The following TWF2 variants were observed in gnomAD, a reference collection of about 807,000 sequenced individuals.
TWF2 encodes twinfilin-2.
In TWF2, 15 loss-of-function variants were observed where a neutral mutation model predicts 45.1. The observed-to-expected ratio is 0.33, with a 90% CI of 0.22 to 0.51. The LOEUF (loss-of-function observed/expected upper bound fraction) is 0.51, where lower values mean the gene tolerates loss of function less well. Among genes scored for constraint, TWF2 ranks in the 20% least tolerant of loss-of-function variants. The probability of loss-of-function intolerance (pLI) is 0.97; values close to 1 mark genes in which losing one functional copy is unlikely to be tolerated. For synonymous variants in TWF2, 177 were observed against 195.8 expected (o/e 0.90, Z 0.80); for missense variants, 423 against 469.1 (o/e 0.90, Z 0.91).
intron 1 of TWF2, among the ~76,000 whole-genome samples, chr3:52,236,674 C>G (rs1443028933): frequency 2.6e-5 from 4 of 152,256 alleles, no homozygotes; most frequent in South Asian, 4.1e-4. Context: ...AGGTGCCCCC[C>G]CTTTGCAGAG....
In TWF2 at chr3:52,232,091, T is replaced by A; in HGVS notation, c.135A>T (p.Pro45=). 6.2e-7 allele frequency: 1 copy of A among 1,610,078 alleles called. No homozygotes were observed. Among genetic ancestry groups the A allele is most frequent in the Non-Finnish European group, 8.5e-7 (1 of 1,178,216 alleles). ...EQLVLGASQE[P]VGRWDQDYDR... ...CATAGTCCTGATCCCAGCGGCCTAC[T>A]GGCTCCTGCGAGGCACCCAGCACGA... Residue 45 remains proline (P), a synonymous_variant, in exon 3 of 9, where the codon CCA becomes CCT. Transcript: ENST00000305533.
intron 2 of TWF2, among the ~76,000 whole-genome samples, chr3:52,233,338 C>T (rs1309667238): frequency 2.0e-5 from 3 of 152,260 alleles, no homozygotes; most frequent in Non-Finnish European, 4.4e-5. Context: ...AGAACTCAGA[C>T]AGGATCACAG....
chr3:52,233,668 C>T (rs372487879), intron 2 of TWF2, among the ~76,000 whole-genome samples: 6 of 152,242 alleles, frequency 3.9e-5, no homozygotes, highest in African/African-American at 1.4e-4. Context: ...GTGGCTTATG[C>T]CCGTAATCCC....
rs200149703 is a variant in TWF2 at position 52,231,155 on chromosome 3, C to A, written c.455G>T (p.Arg152Ile). The A allele has an allele frequency of 5.9e-5, 95 of 1,613,970 alleles. No homozygotes were observed. Among genetic ancestry groups the A allele is most frequent in the Non-Finnish European group, 7.9e-5 (93 of 1,179,986 alleles). Residue 152 changes from arginine to isoleucine, a missense_variant, in exon 5 of 9, where the codon AGA (arginine) becomes ATA (isoleucine). Physicochemically the swap from Arg to Ile is moderately conservative, Grantham distance 97. Transcript: ENST00000305533. The stretch of plus-strand genomic sequence containing the variant: ...GTTAATGCGGATCTGCTGGAGCTCT[C>A]TCTCAGCCGAGGTCAGCGGGGCAGG... ...AAPAPLTSAERELQQIRINEV... is the reference protein window; with the variant it reads ...AAPAPLTSAEIELQQIRINEV...
chr3:52,228,839 G>A lies in TWF2; in HGVS notation c.*195C>T, dbSNP rs984314921. On this transcript the variant is annotated 3_prime_UTR_variant, in exon 9 of 9. Transcript: ENST00000305533. ...CCCCGGACACCCTGGGCACACAGAC[G>A]AGATGCAGGGACAGCAACAGGGAAG... The A allele has an allele frequency of 7.4e-5, 61 of 828,986 alleles. No homozygotes were observed. The highest frequency in any genetic ancestry group is 1.7e-4 in the African/African-American group (10 of 57,612). 51.4% of individuals were successfully genotyped at this position (828,986 alleles called of 1,614,324 possible). A position where few individuals can be genotyped will look rare whatever the true frequency, so the allele number is the denominator to read the frequency against.
At position 52,228,877 on chromosome 3, in the gene TWF2, C is replaced by G; in HGVS notation, c.*157G>C. ...AGCAACAGGGAAGGGTCACAAAATG[C>G]CAGCCCGGTGGCCCTCGGACGCTGC... On this transcript the variant is annotated 3_prime_UTR_variant, in exon 9 of 9. Transcript: ENST00000305533. 1 of 1,144,030 alleles carries G rather than the reference C, an allele frequency of 8.7e-7. No individual in the cohort carries two copies. The highest frequency in any genetic ancestry group is 1.6e-5 in the South Asian group (1 of 61,712). The allele number at this position is 1,144,030 out of a possible 1,614,324, so 70.9% of individuals were successfully genotyped here.
intron 3 of TWF2, 124 bp downstream of exon 3, chr3:52,231,820 T>G (rs1279493747): frequency 2.1e-6 from 3 of 1,403,448 alleles, no homozygotes; most frequent in East Asian, 4.6e-5. Flanking sequence ...GGGCACGGCC[T>G]GACAGCTCTT....
chr3:52,232,144 G>A (rs769971543), intron 2 of TWF2, 22 bp from the exon 3 acceptor site: 1 of 1,513,976 alleles, frequency 6.6e-7, no homozygotes, highest in Non-Finnish European at 8.9e-7. Flanking sequence ...GGCCGGATGA[G>A]CAGCCGCTCC....
chr3:52,235,223 C>T (rs556549427), intron 1 of TWF2, 117 bp from the exon 2 acceptor site: 13 of 996,548 alleles, frequency 1.3e-5, no homozygotes, highest in Middle Eastern at 4.2e-4. Context: ...TTAAATACAG[C>T]CCCCCATGTG....
intron 1 of TWF2, among the ~76,000 whole-genome samples, chr3:52,235,848 G>C (rs1294349816): frequency 6.6e-6 from 1 of 152,178 alleles, no homozygotes; most frequent in African/African-American, 2.4e-5. Flanking sequence ...TGCAGCCCCA[G>C]TCCCAGCCCT....
At chr3:52,235,224 C>T (rs1452762659) in intron 1 of TWF2, 118 bp from the exon 2 acceptor site, 2 of 987,928 alleles carry the variant, frequency 2.0e-6, no homozygotes, top group East Asian at 5.2e-5. Context: ...TAAATACAGC[C>T]CCCCATGTGA....
intron 8 of TWF2, 90 bp from the exon 9 acceptor site, chr3:52,229,291 T>A: frequency 2.0e-6 from 3 of 1,518,788 alleles, no homozygotes; most frequent in Non-Finnish European, 2.6e-6. Context: ...CACCCCTTAC[T>A]CTCACATCCT....
intron 3 of TWF2, 105 bp downstream of exon 3, chr3:52,231,839 C>A: frequency 6.7e-7 from 1 of 1,493,308 alleles, no homozygotes; most frequent in Non-Finnish European, 9.1e-7. Context: ...TTCCCCCACC[C>A]TCCAGGGGCA....
Position 52,239,106 on chromosome 3 carries a change from G to GTGGCGGAGGCTGT in TWF2, c.-103_-91dup. 6.7e-7 allele frequency: 1 copy of GTGGCGGAGGCTGT among 1,489,234 alleles called. No individual in the cohort carries two copies. Among genetic ancestry groups the GTGGCGGAGGCTGT allele is most frequent in the Non-Finnish European group, 9.0e-7 (1 of 1,116,316 alleles). 92.3% of individuals were successfully genotyped at this position (1,489,234 alleles called of 1,614,324 possible). ...CGCTGGACCAAGAGAGGTGGAGGATGTGGCGGAGGCTGTCGACCCTCGCGC... is the reference window on the plus strand; with the variant it reads ...CGCTGGACCAAGAGAGGTGGAGGATGTGGCGGAGGCTGTTGGCGGAGGCTGTCGACCCTCGCGC... On this transcript the variant is annotated 5_prime_UTR_variant, in exon 1 of 9. Coordinates refer to ENST00000305533, the MANE Select transcript of TWF2 (RefSeq NM_007284.4).
intron 2 of TWF2, among the ~76,000 whole-genome samples, chr3:52,232,769 C>T (rs1699691354): frequency 6.6e-6 from 1 of 152,262 alleles, no homozygotes; most frequent in Admixed American, 6.5e-5. Flanking sequence ...ATAATCCCAG[C>T]ACTTTGGGAG....
At chr3:52,238,840 G>T in intron 1 of TWF2, 152 bp downstream of exon 1, 3 of 1,036,800 alleles carry the variant, frequency 2.9e-6, no homozygotes, top group Non-Finnish European at 4.1e-6. Context: ...TACTCCCCCA[G>T]ATGTGCCCAC....
chr3:52,234,938 C>A (rs1166233039), intron 2 of TWF2, 91 bp downstream of exon 2: 1 of 1,453,356 alleles, frequency 6.9e-7, no homozygotes, highest in Non-Finnish European at 9.5e-7. Context: ...GAGGTCCCGG[C>A]AGGCCAGGGG....
At position 52,231,815 on chromosome 3, in the gene TWF2, C is replaced by A. The variant is rs145600833; in HGVS notation, c.282+129G>T. ...ACCCTCTCTCAGACTCCCTAGGGCA[C>A]GGCCTGACAGCTCTTCCCCCACCCT... On this transcript the variant is annotated intron_variant, in intron 3 of 8. Coordinates refer to ENST00000305533, the MANE Select transcript of TWF2 (RefSeq NM_007284.4). 1.1e-4 allele frequency: 150 copies of A among 1,358,856 alleles called. No individual in the cohort carries two copies. The East Asian group carries it at 3.0e-3, about 27-fold the overall frequency. The allele number at this position is 1,358,856 out of a possible 1,614,324, so 84.2% of individuals were successfully genotyped here.
Position 52,229,702 on chromosome 3 carries a change from C to A in TWF2, c.841G>T (p.Asp281Tyr), listed in dbSNP as rs778298315. Residue 281 changes from aspartate to tyrosine, a missense_variant, in exon 8 of 9, where the codon GAC becomes TAC. Physicochemically the swap from Asp to Tyr is radical, Grantham distance 160 (BLOSUM62 -3). Coordinates refer to ENST00000305533, the MANE Select transcript of TWF2 (RefSeq NM_007284.4). ...AGATGGAAGTCCTGCTCCACGGAGT[C>A]GAGGAGGCGGCTCTTGCAGCTGGAG... is the stretch of plus-strand genomic sequence containing the variant. ...LYSSCKSRLL[D>Y]SVEQDFHLEI... 1.2e-6 allele frequency: 2 copies of A among 1,613,436 alleles called. No individual in the cohort carries two copies. The highest frequency in any genetic ancestry group is 1.7e-6 in the Non-Finnish European group (2 of 1,180,014).
Sources: allele counts gnomAD v4.1 joint callset (sites outside exome capture counted in the v4.1 genomes callset), GRCh38; gene constraint gnomAD v4.1.1; transcripts MANE v1.5; gene names NCBI Gene and HGNC (gene_info 2026-07-23, HGNC 2026-07-21).